Variants in CSF3R observed in about 807,000 individuals in gnomAD.
The protein encoded by CSF3R is granulocyte colony-stimulating factor receptor.
A neutral mutation model predicts 84.4 loss-of-function variants in CSF3R; 52 were observed. The observed-to-expected ratio is 0.62, with a 90% CI of 0.49 to 0.78. The LOEUF (loss-of-function observed/expected upper bound fraction) is 0.78, where lower values mean the gene tolerates loss of function less well. Ranked by LOEUF, CSF3R falls within the 30% of genes least tolerant of loss-of-function variation. CSF3R has a pLI of 0.00. For missense variants in CSF3R, 890 were observed against 1,055.7 expected, an observed-to-expected ratio of 0.84 and a Z score of 2.17; for synonymous variants, 384 against 429.1, an observed-to-expected ratio of 0.89 and a Z score of 1.30.
Position 36,466,494 on chromosome 1 carries a change from A to T in CSF3R, c.2374T>A (p.Phe792Ile). 1 of 1,611,232 alleles carries T rather than the reference A, an allele frequency of 6.2e-7. No individual in the cohort carries two copies. Among genetic ancestry groups the T allele is most frequent in the African/African-American group, 1.3e-5 (1 of 75,006 alleles). ...PSPKSYENLW[F>I]QASPLGTLVT... ...AGGGTCCCCAAGGGGCTGGCCTGGA[A>T]CCAGAGGTTCTCATAGGACTTGGGG... is the stretch of plus-strand genomic sequence containing the variant. Residue 792 changes from phenylalanine to isoleucine, a missense_variant, in exon 17 of 17, where the codon TTC becomes ATC. Transcript: ENST00000373106. This position sits in a 1 kb window ranked among gnomAD's most constrained non-coding sequence, Gnocchi z 4.6.
upstream of CSF3R, chr1:36,483,159 G>C (rs1415822791): frequency 6.6e-6 from 1 of 152,294 alleles, no homozygotes; most frequent in African/African-American, 2.4e-5. Flanking sequence ...AAGCTTTGAG[G>C]CTGGGCAGGG....
intron 2 of CSF3R, among the ~76,000 whole-genome samples, chr1:36,479,803 A>G (rs1235952116): frequency 6.6e-6 from 1 of 152,228 alleles, no homozygotes; most frequent in East Asian, 1.9e-4. Flanking sequence ...AGCAGTGAGG[A>G]AGAGCATTCT....
Position 36,471,607 on chromosome 1 carries a change from A to C in CSF3R, c.1111T>G (p.Tyr371Asp). 2 of 1,614,210 alleles carry C rather than the reference A, an allele frequency of 1.2e-6. No homozygotes were observed. The highest frequency in any genetic ancestry group is 1.7e-6 in the Non-Finnish European group (2 of 1,180,030). ...LEEDSGRIQG[Y>D]VVSWRPSGQA... is the part of the protein sequence containing the mutation. ...CCTGAGGGTCTCCAAGAAACCACAT[A>C]ACCTTGGATCCGTCCGCTGTCTTCC... The change falls in exon 10 of 17, where the codon TAT (tyrosine) becomes GAT (aspartate). Residue 371 changes from tyrosine to aspartate, a missense_variant. Tyr to Asp is a radical substitution (Grantham distance 160). Transcript: ENST00000373106.
chr1:36,467,823 T>A lies in CSF3R; in HGVS notation c.1863A>T (p.Pro621=). ...TGCCCAGCCCCCGTCTCCCCTTACC[T>A]GGGGTCAAGGTCATCAGGGTGAGGA... The part of the protein sequence containing the change: ...STVLTLMTLT[P]EGSELHIILG... Residue 621 remains proline, a splice_region_variant and synonymous_variant, in exon 14 of 17, where the codon CCA becomes CCT. Transcript: ENST00000373106. This position sits in a 1 kb window ranked among gnomAD's most constrained non-coding sequence, Gnocchi z 4.1. The A allele has an allele frequency of 6.2e-7, 1 of 1,614,240 alleles. No homozygotes were observed. Among genetic ancestry groups the A allele is most frequent in the South Asian group, 1.1e-5 (1 of 91,090 alleles).
At chr1:36,470,042 A>G (rs1323158859) in intron 10 of CSF3R, among the ~76,000 whole-genome samples, 1 of 152,214 alleles carries the variant, frequency 6.6e-6, no homozygotes, top group Non-Finnish European at 1.5e-5. Context: ...TGCAGATTAA[A>G]TGACTTGATG....
rs1257493168 is a variant in CSF3R, at chr1:36,472,625, C to T, written c.735G>A (p.Gln245=). The part of the protein sequence containing the change: ...MDPSPEAAPP[Q]AGCLQLCWEP... ...CCCAGCACAGCTGTAGGCAGCCTGC[C>T]TGGGGAGGGGCCGCTTCAGGGCTGG... is the stretch of plus-strand genomic sequence containing the variant. Residue 245 remains glutamine (Q), a synonymous_variant, in exon 7 of 17, where the codon CAG becomes CAA. Transcript: ENST00000373106. The surrounding 1 kb of genome is among the most constrained non-coding windows in gnomAD (Gnocchi z 5.0). The T allele has an allele frequency of 1.2e-6, 2 of 1,612,114 alleles. No homozygotes were observed. Among genetic ancestry groups the T allele is most frequent in the African/African-American group, 2.7e-5 (2 of 74,844 alleles).
Position 36,471,929 on chromosome 1 carries a change from A to G in CSF3R, c.1071+137T>C, listed in dbSNP as rs377588200. On this transcript the variant is annotated intron_variant, in intron 9 of 16. Transcript: ENST00000373106. ...AAAGCTAACTCAGCTCCCTAGGCAC[A>G]TGCAAAGTGCATGCAAATCACATAT... 10 of 885,824 alleles carry G rather than the reference A, an allele frequency of 1.1e-5. No individual in the cohort carries two copies. In the East Asian group the frequency reaches 1.3e-4, roughly 12 times the overall value. 54.9% of individuals were successfully genotyped at this position (885,824 alleles called of 1,614,324 possible). A position where few individuals can be genotyped will look rare whatever the true frequency, so the allele number is the denominator to read the frequency against.
In CSF3R at chr1:36,472,663, G is replaced by A. The variant is rs150616658; in HGVS notation, c.697C>T (p.Arg233Trp). 1.2e-5 allele frequency: 19 copies of A among 1,604,816 alleles called. No individual in the cohort carries two copies. The highest frequency in any genetic ancestry group is 8.0e-5 in the African/African-American group (6 of 74,732). The change falls in exon 7 of 17, where the codon CGG becomes TGG. Residue 233 changes from arginine (R) to tryptophan (W), a missense_variant. Transcript: ENST00000373106. The surrounding 1 kb of genome is among the most constrained non-coding windows in gnomAD (Gnocchi z 5.0). ...DVVKLEPPML[R>W]TMDPSPEAAP... ...GCTTCAGGGCTGGGGTCCATGGTCCGCAGCATGGGGGGCTCCAGTTTCACT... is the reference window on the plus strand; with the variant it reads ...GCTTCAGGGCTGGGGTCCATGGTCCACAGCATGGGGGGCTCCAGTTTCACT...
Position 36,472,826 on chromosome 1 carries a change from G to T in CSF3R, c.674-140C>A. 9.6e-7 allele frequency: 1 copy of T among 1,042,344 alleles called. No individual in the cohort carries two copies. Among genetic ancestry groups the T allele is most frequent in the Non-Finnish European group, 1.4e-6 (1 of 739,932 alleles). 64.6% of individuals were successfully genotyped at this position (1,042,344 alleles called of 1,614,324 possible). On this transcript the variant is annotated intron_variant, in intron 6 of 16. Transcript: ENST00000373106. The surrounding 1 kb of genome is among the most constrained non-coding windows in gnomAD (Gnocchi z 5.0). ...CGTTTCTGTGGTTCGATCTCTATGTGTCTTTGTTTCTCTCTAGGTCTCTGT... is the reference window on the plus strand; with the variant it reads ...CGTTTCTGTGGTTCGATCTCTATGTTTCTTTGTTTCTCTCTAGGTCTCTGT...
chr1:36,473,164 G>T (rs1650892143), intron 6 of CSF3R: 2 of 538,338 alleles, frequency 3.7e-6, no homozygotes. Context: ...AGTACCTAGA[G>T]CAGTGCCTAA....
At chr1:36,474,578 GT>G (rs1651003884) in intron 4 of CSF3R, among the ~76,000 whole-genome samples, 1 of 152,028 alleles carries the variant, frequency 6.6e-6, no homozygotes, top group African/African-American at 2.4e-5. Context: ...GGCTCCCAAA[GT>G]GCTGGGATTA....
chr1:36,472,187 G>C lies in CSF3R; in HGVS notation c.998-48C>G. ...GGGTGCCAGTTGGGGAGGGGCCTGG[G>C]GCCTGGACTGGATACTGTTGGCTGC... On this transcript the variant is annotated intron_variant, in intron 8 of 16. Transcript: ENST00000373106. The surrounding 1 kb of genome is among the most constrained non-coding windows in gnomAD (Gnocchi z 5.0). 6.2e-7 allele frequency: 1 copy of C among 1,613,856 alleles called. No individual in the cohort carries two copies. Among genetic ancestry groups the C allele is most frequent in the Non-Finnish European group, 8.5e-7 (1 of 1,179,874 alleles).
chr1:36,472,840 C>T lies in CSF3R; in HGVS notation c.674-154G>A. The T allele has an allele frequency of 1.1e-6, 1 of 940,700 alleles. No individual in the cohort carries two copies. The highest frequency in any genetic ancestry group is 1.5e-6 in the Non-Finnish European group (1 of 651,796). The allele number at this position is 940,700 out of a possible 1,614,324, so 58.3% of individuals were successfully genotyped here. Reference sequence around the variant, plus strand: ...GATCTCTATGTGTCTTTGTTTCTCTCTAGGTCTCTGTTTCCGCTCTTGCCC... The same window carrying T: ...GATCTCTATGTGTCTTTGTTTCTCTTTAGGTCTCTGTTTCCGCTCTTGCCC... On this transcript the variant is annotated intron_variant, in intron 6 of 16. Coordinates refer to ENST00000373106, the MANE Select transcript of CSF3R (RefSeq NM_000760.4). This position sits in a 1 kb window ranked among gnomAD's most constrained non-coding sequence, Gnocchi z 5.0.
rs765499767 is a variant in CSF3R, at chr1:36,466,562, C to T, written c.2306G>A (p.Arg769His). The change falls in exon 17 of 17, where the codon CGC becomes CAC. Residue 769 changes from arginine to histidine, a missense_variant. By Grantham distance (29) the Arg-to-His change is conservative. Coordinates refer to ENST00000373106, the MANE Select transcript of CSF3R (RefSeq NM_000760.4). This position sits in a 1 kb window ranked among gnomAD's most constrained non-coding sequence, Gnocchi z 4.6. ...PTSPGPGHYL[R>H]CDSTQPLLAG... Reference sequence around the variant, plus strand: ...CAAGAGGGGCTGAGTGGAGTCACAGCGGAGATAGTGCCCTGGCCCTGGGCT... The same window carrying T: ...CAAGAGGGGCTGAGTGGAGTCACAGTGGAGATAGTGCCCTGGCCCTGGGCT... 25 of 1,610,080 alleles carry T rather than the reference C, an allele frequency of 1.6e-5. No individual in the cohort carries two copies. The East Asian group carries it at 2.5e-4, about 16-fold the overall frequency.
intron 9 of CSF3R, 115 bp downstream of exon 9, chr1:36,471,951 A>T: frequency 9.6e-7 from 1 of 1,044,664 alleles, no homozygotes; most frequent in Non-Finnish European, 1.4e-6. Flanking sequence ...TGCAAATCAC[A>T]TATAAATGCG....
rs539737272 is a variant in CSF3R, at chr1:36,472,815, G to A, written c.674-129C>T. The A allele has an allele frequency of 2.7e-5, 30 of 1,120,240 alleles. No homozygotes were observed. In the African/African-American group the frequency reaches 2.8e-4, roughly 11 times the overall value. 69.4% of individuals were successfully genotyped at this position (1,120,240 alleles called of 1,614,324 possible). A position where few individuals can be genotyped will look rare whatever the true frequency, so the allele number is the denominator to read the frequency against. On this transcript the variant is annotated intron_variant, in intron 6 of 16. Transcript: ENST00000373106. The surrounding 1 kb of genome is among the most constrained non-coding windows in gnomAD (Gnocchi z 5.0). ...TGCCAATGACACGTTTCTGTGGTTCGATCTCTATGTGTCTTTGTTTCTCTC... is the reference window on the plus strand; with the variant it reads ...TGCCAATGACACGTTTCTGTGGTTCAATCTCTATGTGTCTTTGTTTCTCTC...
In CSF3R at chr1:36,466,820, A is replaced by G. The variant is rs779558226; in HGVS notation, c.2048T>C (p.Phe683Ser). The change falls in exon 17 of 17, where the codon TTC becomes TCC. Residue 683 changes from phenylalanine to serine, a missense_variant. Transcript: ENST00000373106. The surrounding 1 kb of genome is among the most constrained non-coding windows in gnomAD (Gnocchi z 4.6). Reference protein sequence around the residue: ...WVPTIMEEDAFQLPGLGTPPI... With the variant: ...WVPTIMEEDASQLPGLGTPPI... ...TGGCGTGCCAAGGCCGGGCAGCTGG[A>G]AGGCATCCTGCACACAAGGATGTGG... is the stretch of plus-strand genomic sequence containing the variant. 1.9e-6 allele frequency: 3 copies of G among 1,613,990 alleles called. No homozygotes were observed. The African/African-American group carries it at 4.0e-5, about 22-fold the overall frequency.
intron 6 of CSF3R, 115 bp downstream of exon 6, chr1:36,473,320 T>G: frequency 3.3e-6 from 4 of 1,205,336 alleles, no homozygotes; most frequent in Non-Finnish European, 4.8e-6. Flanking sequence ...CTTCTGTGCC[T>G]CTGTCTCTAG....
At position 36,467,769 on chromosome 1, in the gene CSF3R, G is replaced by A; in HGVS notation, c.1864+53C>T. ...GCTACTCTCAAAATCAGCATCCTTT[G>A]GGTGGGGTACCCTCCAAACAGCCAT... On this transcript the variant is annotated intron_variant, in intron 14 of 16. Coordinates refer to ENST00000373106, the MANE Select transcript of CSF3R (RefSeq NM_000760.4). The surrounding 1 kb of genome is among the most constrained non-coding windows in gnomAD (Gnocchi z 4.1). The A allele has an allele frequency of 6.2e-7, 1 of 1,613,970 alleles. No homozygotes were observed. Among genetic ancestry groups the A allele is most frequent in the Non-Finnish European group, 8.5e-7 (1 of 1,179,842 alleles).
Sources: gnomAD v4.1 joint callset for allele counts (sites outside exome capture counted in the v4.1 genomes callset) on GRCh38, gnomAD v4.1.1 for gene constraint, Gnocchi (gnomAD v3.1) non-coding constraint, MANE v1.5 for transcripts, NCBI Gene and HGNC (gene_info 2026-07-23, HGNC 2026-07-21) for gene names.